The following ZDHHC2 variants were observed in gnomAD, a reference collection of about 807,000 sequenced individuals.
ZDHHC2 encodes palmitoyltransferase ZDHHC2.
ZDHHC2 carries 51 observed loss-of-function variants against 55.6 expected under a neutral mutation model. That is an observed-to-expected ratio of 0.92 (90% CI 0.73 to 1.16). The LOEUF (loss-of-function observed/expected upper bound fraction) is 1.16. Among genes scored for constraint, ZDHHC2 ranks in the 50% most tolerant of loss-of-function variants. The pLI is 0.00. For synonymous variants in ZDHHC2, 199 were observed against 152.9 expected (o/e 1.30, Z -2.22); for missense variants, 491 against 442.4 (o/e 1.11, Z -0.99).
At chr8:17,172,775 C>T (rs923849116) in intron 1 of ZDHHC2, among the ~76,000 whole-genome samples, 1 of 152,036 alleles carries the variant, frequency 6.6e-6, no homozygotes, top group African/African-American at 2.4e-5. Context: ...GAGTAATTAT[C>T]GTTCCTCCTT....
At chr8:17,207,918 A>G (rs772912014) in intron 7 of ZDHHC2, 42 bp from the exon 8 acceptor site, 1 of 1,387,264 alleles carries the variant, frequency 7.2e-7, no homozygotes, top group African/African-American at 1.5e-5. Flanking sequence ...GGGAATACAT[A>G]TCCCTTTGAC....
intron 1 of ZDHHC2, among the ~76,000 whole-genome samples, chr8:17,174,561 A>G (rs1187743592): frequency 6.6e-6 from 1 of 152,188 alleles, no homozygotes; most frequent in Non-Finnish European, 1.5e-5. Context: ...AGTGTTATGC[A>G]GAAGCTTTTG....
intron 1 of ZDHHC2, among the ~76,000 whole-genome samples, chr8:17,181,171 T>C (rs940058560): frequency 2.6e-5 from 4 of 152,202 alleles, no homozygotes; most frequent in Non-Finnish European, 5.9e-5. Context: ...TGAATACTTC[T>C]CATATGTCCG....
chr8:17,210,408 T>G lies in ZDHHC2; in HGVS notation c.878T>G (p.Phe293Cys). Residue 293 changes from phenylalanine (F) to cysteine (C), a missense_variant, in exon 10 of 13, where the codon TTT (phenylalanine) becomes TGT (cysteine). Phe to Cys is a radical substitution (Grantham distance 205). Transcript: ENST00000262096. Reference protein sequence around the residue: ...IFSSLGDGCSFPTCLVNQDPE... With the variant: ...IFSSLGDGCSCPTCLVNQDPE... ...TCTAGTCTAGGTGATGGCTGCTCCT[T>G]TCCAACTTGCCTTGTTAACCAGGAT... is the stretch of plus-strand genomic sequence containing the variant. The G allele has an allele frequency of 6.2e-7, 1 of 1,613,506 alleles. No homozygotes were observed.
rs1383975388 is a variant in ZDHHC2 at position 17,210,021 on chromosome 8, G to A, written c.820G>A (p.Asp274Asn). The A allele has an allele frequency of 1.2e-6, 2 of 1,608,408 alleles. No individual in the cohort carries two copies. The highest frequency in any genetic ancestry group is 1.7e-4 in the Middle Eastern group (1 of 6,056). ...TAAAAACATGCGACAAGTTTTTGGT[G>A]ATGAGAAGAAGTACTGGTTGCTACC... ...FSKNMRQVFG[D>N]EKKYWLLPIF... Residue 274 changes from aspartate to asparagine, a missense_variant, in exon 9 of 13, where the codon GAT becomes AAT. Coordinates refer to ENST00000262096, the MANE Select transcript of ZDHHC2 (RefSeq NM_016353.5).
At chr8:17,217,011 G>A (rs1807682199) in intron 11 of ZDHHC2, among the ~76,000 whole-genome samples, 161 bp from the exon 12 acceptor site, 1 of 151,906 alleles carries the variant, frequency 6.6e-6, no homozygotes, top group African/African-American at 2.4e-5. Flanking sequence ...TGTATAACGG[G>A]TGTGTGTGTG....
chr8:17,201,957 A>G (rs1050887034), intron 6 of ZDHHC2, among the ~76,000 whole-genome samples: 1 of 152,108 alleles, frequency 6.6e-6, no homozygotes, highest in Non-Finnish European at 1.5e-5. Flanking sequence ...AATTCTGGGG[A>G]TCAATCTCAT....
chr8:17,159,553 T>C (rs1000339806), intron 1 of ZDHHC2, among the ~76,000 whole-genome samples: 3 of 152,226 alleles, frequency 2.0e-5, no homozygotes, highest in Non-Finnish European at 4.4e-5. Context: ...TCATTACAGT[T>C]AGTTTCTATA....
Position 17,215,270 on chromosome 8 carries a change from G to T in ZDHHC2, c.984G>T (p.Leu328Phe). 1 of 1,602,184 alleles carries T rather than the reference G, an allele frequency of 6.2e-7. No homozygotes were observed. The change falls in exon 11 of 13, where the codon TTG (leucine) becomes TTT (phenylalanine). Residue 328 changes from leucine (L) to phenylalanine (F), a missense_variant. Leu to Phe is a conservative substitution (Grantham distance 22). Transcript: ENST00000262096. ...ACCATCAGTTTCCTGCAAAGCCATT[G>T]AGAGAGTCCCAGAGCCACCTTCTTA... ...LENHQFPAKP[L>F]RESQSHLLTD...
At chr8:17,172,766 A>G (rs949283326) in intron 1 of ZDHHC2, among the ~76,000 whole-genome samples, 1 of 151,914 alleles carries the variant, frequency 6.6e-6, no homozygotes, top group Non-Finnish European at 1.5e-5. Flanking sequence ...TACAAATTGG[A>G]GTAATTATCG....
chr8:17,160,266 A>C (rs1804271513), intron 1 of ZDHHC2, among the ~76,000 whole-genome samples: 1 of 152,156 alleles, frequency 6.6e-6, no homozygotes. Context: ...TTCCACATAC[A>C]CTTGTGTAAC....
At chr8:17,166,413 C>T (rs1297739208) in intron 1 of ZDHHC2, among the ~76,000 whole-genome samples, 2 of 152,020 alleles carry the variant, frequency 1.3e-5, no homozygotes, top group South Asian at 4.2e-4. Flanking sequence ...AGTTAGGTGG[C>T]GTGGAGGGTT....
chr8:17,178,039 C>G (rs548146278), intron 1 of ZDHHC2, among the ~76,000 whole-genome samples: 12 of 152,204 alleles, frequency 7.9e-5, no homozygotes, highest in African/African-American at 2.9e-4. Flanking sequence ...CTGTTCTTTG[C>G]TAAGTCAAAA....
chr8:17,215,435 A>C, intron 11 of ZDHHC2, 86 bp downstream of exon 11: 2 of 1,015,802 alleles, frequency 2.0e-6, no homozygotes, highest in Non-Finnish European at 3.0e-6. Context: ...TATACTACCT[A>C]CAGATGTTTT....
At chr8:17,171,062 C>T (rs919965601) in intron 1 of ZDHHC2, among the ~76,000 whole-genome samples, 1 of 152,056 alleles carries the variant, frequency 6.6e-6, no homozygotes, top group South Asian at 2.1e-4. Context: ...GTAGTATCCA[C>T]CATAGACTTA....
chr8:17,170,222 T>A (rs1215183591), intron 1 of ZDHHC2, among the ~76,000 whole-genome samples: 1 of 152,130 alleles, frequency 6.6e-6, no homozygotes, highest in South Asian at 2.1e-4. Flanking sequence ...CAGAAGAAAA[T>A]AGTGCTTCTC....
chr8:17,174,705 C>CTTTTTTTTTT (rs546670520), intron 1 of ZDHHC2, among the ~76,000 whole-genome samples: 1 of 61,942 alleles, frequency 1.6e-5, no homozygotes, highest in Non-Finnish European at 3.0e-5. Flanking sequence ...TTGTGTTATT[C>CTTTTTTTTTT]TTTTTTTTTT....
chr8:17,174,219 G>GC (rs982436345), intron 1 of ZDHHC2, among the ~76,000 whole-genome samples: 1 of 151,614 alleles, frequency 6.6e-6, no homozygotes, highest in African/African-American at 2.4e-5. Context: ...CTGCTGAGTA[G>GC]CTGGGACCAC....
At chr8:17,184,538 G>A (rs1805608161) in intron 1 of ZDHHC2, among the ~76,000 whole-genome samples, 1 of 152,220 alleles carries the variant, frequency 6.6e-6, no homozygotes, top group Non-Finnish European at 1.5e-5. Context: ...CACTTGACAA[G>A]TTTTGTTCCG....
Sources: allele counts gnomAD v4.1 joint callset (sites outside exome capture counted in the v4.1 genomes callset), GRCh38; gene constraint gnomAD v4.1.1; transcripts MANE v1.5; gene names NCBI Gene and HGNC (gene_info 2026-07-23, HGNC 2026-07-21).